Variants in EHBP1 observed in about 807,000 individuals in gnomAD.
EHBP1 encodes the protein EH domain binding protein 1.
Under a neutral mutation model 144.0 loss-of-function variants are expected in EHBP1, and 55 were observed. The ratio of observed to expected loss-of-function variants is 0.38; its 90% CI spans 0.31 to 0.48. The LOEUF (loss-of-function observed/expected upper bound fraction) is 0.48. Among genes scored for constraint, EHBP1 ranks in the 20% least tolerant of loss-of-function variants. The pLI is 0.98. For synonymous variants in EHBP1, 469 were observed against 472.7 expected, an observed-to-expected ratio of 0.99 and a Z score of 0.10; for missense variants, 1,200 against 1,364.2, an observed-to-expected ratio of 0.88 and a Z score of 1.90.
chr2:62,749,464 A>G (rs1353900058), intron 3 of EHBP1, among the ~76,000 whole-genome samples: 2 of 152,180 alleles, frequency 1.3e-5, no homozygotes, highest in Admixed American at 6.5e-5. Context: ...ATGTGTCTTT[A>G]TAGCAGCATG....
At position 62,785,092 on chromosome 2, in the gene EHBP1, G is replaced by T. The variant is rs2042710713; in HGVS notation, c.312+13700G>T. 2.0e-5 allele frequency among the ~76,000 whole-genome samples: 3 copies of T among 151,866 alleles called. No individual in the cohort carries two copies. In the South Asian group the frequency reaches 6.2e-4, roughly 32 times the overall value. ...ATTATGATCTAGTATACACATATATGTACCTGTGAACAACTGAAACAAGTC... is the reference window on the plus strand; with the variant it reads ...ATTATGATCTAGTATACACATATATTTACCTGTGAACAACTGAAACAAGTC... On this transcript the variant is annotated intron_variant, in intron 5 of 22. Transcript: ENST00000431489.
chr2:62,845,826 C>T (rs1303985296), intron 7 of EHBP1, among the ~76,000 whole-genome samples: 1 of 152,014 alleles, frequency 6.6e-6, no homozygotes, highest in Non-Finnish European at 1.5e-5. Context: ...TTAAAATGGC[C>T]ACCTATTTTG....
In EHBP1 at chr2:62,771,237, C is replaced by T. The variant is rs1047411092; in HGVS notation, c.259-102C>T. On this transcript the variant is annotated intron_variant, in intron 4 of 22. Coordinates refer to ENST00000431489, the MANE Select transcript of EHBP1 (RefSeq NM_001142616.3). Reference sequence around the variant, plus strand: ...TATTCTGCCTCTCCATTTTTAAAAGCTAGTAAAAGCTAAAAACAAGGCTAT... The same window carrying T: ...TATTCTGCCTCTCCATTTTTAAAAGTTAGTAAAAGCTAAAAACAAGGCTAT... The T allele has an allele frequency of 1.2e-5, 8 of 675,518 alleles. No individual in the cohort carries two copies. In the Admixed American group the frequency reaches 2.5e-4, roughly 21 times the overall value. 41.8% of individuals were successfully genotyped at this position (675,518 alleles called of 1,614,324 possible).
intron 10 of EHBP1, among the ~76,000 whole-genome samples, chr2:62,939,037 C>T (rs1160446749): frequency 6.6e-6 from 1 of 152,122 alleles, no homozygotes; most frequent in Admixed American, 6.5e-5. Flanking sequence ...TACTGAGTGC[C>T]TATGCTGTAC....
intron 10 of EHBP1, among the ~76,000 whole-genome samples, chr2:62,933,156 CAT>C (rs2056137447): frequency 6.6e-6 from 1 of 151,526 alleles, no homozygotes; most frequent in African/African-American, 2.4e-5. Flanking sequence ...AACTATATCA[CAT>C]ATTAACATAA....
chr2:62,917,977 AC>A (rs2054775667), intron 10 of EHBP1, among the ~76,000 whole-genome samples: 1 of 151,394 alleles, frequency 6.6e-6, no homozygotes, highest in Admixed American at 6.6e-5. Flanking sequence ...GCTCACTGCA[AC>A]CTCCGCCTCC....
intron 3 of EHBP1, among the ~76,000 whole-genome samples, chr2:62,750,996 C>T (rs2039651390): frequency 6.6e-6 from 1 of 152,122 alleles, no homozygotes; most frequent in Non-Finnish European, 1.5e-5. Flanking sequence ...GCCTGATTGC[C>T]CTAGCCAGAA....
chr2:62,973,340 T>A (rs986521063), intron 14 of EHBP1, among the ~76,000 whole-genome samples: 1 of 152,216 alleles, frequency 6.6e-6, no homozygotes, highest in African/African-American at 2.4e-5. Context: ...AAATAATGGT[T>A]TTTGTTAGTA....
chr2:62,991,063 C>A (rs2059394310), intron 16 of EHBP1, among the ~76,000 whole-genome samples: 1 of 151,860 alleles, frequency 6.6e-6, no homozygotes, highest in Non-Finnish European at 1.5e-5. Flanking sequence ...GCCTGGGCAA[C>A]ATATTGAGAC....
chr2:63,005,063 C>G (rs1434746428), intron 19 of EHBP1, among the ~76,000 whole-genome samples: 1 of 152,096 alleles, frequency 6.6e-6, no homozygotes, highest in African/African-American at 2.4e-5. Flanking sequence ...TCTGAATATA[C>G]TTAAATACTT....
At chr2:62,790,153 G>A (rs2043078054) in intron 5 of EHBP1, among the ~76,000 whole-genome samples, 2 of 152,184 alleles carry the variant, frequency 1.3e-5, no homozygotes, top group African/African-American at 4.8e-5. Context: ...ATGTCGTCTT[G>A]TGACATTGAA....
chr2:62,753,621 T>C (rs937760358), intron 3 of EHBP1, among the ~76,000 whole-genome samples: 3 of 152,182 alleles, frequency 2.0e-5, no homozygotes, highest in Admixed American at 6.5e-5. Context: ...CCATTCTCCC[T>C]GTCACTCTCA....
chr2:63,038,180 G>A (rs941256604), intron 20 of EHBP1, among the ~76,000 whole-genome samples: 4 of 152,054 alleles, frequency 2.6e-5, no homozygotes, highest in Admixed American at 6.6e-5. Flanking sequence ...ACTTAAGCAC[G>A]TTCCTTTCTG....
In EHBP1 at chr2:62,707,132, GCAT is replaced by G. The variant is rs2034669771; in HGVS notation, c.-59_-57del. On this transcript the variant is annotated 5_prime_UTR_variant, in exon 2 of 23. Coordinates refer to ENST00000431489, the MANE Select transcript of EHBP1 (RefSeq NM_001142616.3). ...AAAGTTCCTTTGCTTTGGACCCTCT[GCAT>G]TATTAAAGCTGCTGTATTGCTAACC... The G allele has an allele frequency of 7.6e-7, 1 of 1,321,958 alleles. No homozygotes were observed. The highest frequency in any genetic ancestry group is 1.4e-5 in the African/African-American group (1 of 69,240). The allele number at this position is 1,321,958 out of a possible 1,614,324, so 81.9% of individuals were successfully genotyped here. A position where few individuals can be genotyped will look rare whatever the true frequency, so the allele number is the denominator to read the frequency against.
intron 10 of EHBP1, among the ~76,000 whole-genome samples, chr2:62,900,178 A>G (rs901572821): frequency 6.6e-6 from 1 of 152,240 alleles, no homozygotes; most frequent in African/African-American, 2.4e-5. Context: ...TCATGGTCTC[A>G]TTAGTCACTT....
At chr2:62,841,250 A>G (rs2047824833) in intron 7 of EHBP1, among the ~76,000 whole-genome samples, 1 of 151,232 alleles carries the variant, frequency 6.6e-6, no homozygotes, top group Non-Finnish European at 1.5e-5. Flanking sequence ...TCAAAAAACC[A>G]AACACCGCAT....
intron 2 of EHBP1, among the ~76,000 whole-genome samples, chr2:62,734,674 CTTAT>C (rs1438040850): frequency 2.0e-5 from 3 of 152,024 alleles, no homozygotes; most frequent in East Asian, 1.9e-4. Flanking sequence ...TAATGTCTAC[CTTAT>C]TTGTTACTGT....
chr2:62,873,631 A>T (rs906590397), intron 9 of EHBP1, among the ~76,000 whole-genome samples: 1 of 152,194 alleles, frequency 6.6e-6, no homozygotes, highest in South Asian at 2.1e-4. Context: ...AAGGAGTCTG[A>T]AACAGAATAA....
At chr2:62,796,510 T>C (rs2043547027) in intron 5 of EHBP1, among the ~76,000 whole-genome samples, 1 of 152,224 alleles carries the variant, frequency 6.6e-6, no homozygotes, top group Non-Finnish European at 1.5e-5. Flanking sequence ...TGGATACTTT[T>C]TAAGAATGCA....
Sources: allele counts gnomAD v4.1 joint callset (sites outside exome capture counted in the v4.1 genomes callset), GRCh38; gene constraint gnomAD v4.1.1; transcripts MANE v1.5; gene names NCBI Gene and HGNC (gene_info 2026-07-23, HGNC 2026-07-21).